PPP1R3F: variants seen among roughly 807,000 people sequenced by gnomAD.
The protein encoded by PPP1R3F is protein phosphatase 1 regulatory subunit 3F.
A neutral mutation model predicts 24.2 loss-of-function variants in PPP1R3F; 29 were observed. The observed-to-expected ratio is 1.20, with a 90% CI of 0.89 to 1.63. The LOEUF is 1.63. Ranked by LOEUF, PPP1R3F falls within the 40% of genes most tolerant of loss-of-function variation. PPP1R3F has a pLI of 0.00. For synonymous variants in PPP1R3F, 363 were observed against 340.1 expected (o/e 1.07, Z -0.74); for missense variants, 823 against 729.3 (o/e 1.13, Z -1.48).
downstream of PPP1R3F, among the ~76,000 whole-genome samples, chrX:49,290,001 G>A (rs782243577): frequency 9.0e-6 from 1 of 111,252 alleles, no homozygotes; most frequent in East Asian, 2.8e-4. Flanking sequence ...CCCAGGAGGT[G>A]GAGGTTGCAG....
chrX:49,273,973 T>G (rs892993676), intron 1 of PPP1R3F: 10 of 112,467 alleles, frequency 8.9e-5, no homozygotes, highest in African/African-American at 3.2e-4. Flanking sequence ...CAGTGCTAGG[T>G]TCCAGCAGGG....
intron 3 of PPP1R3F, among the ~76,000 whole-genome samples, chrX:49,293,980 T>G (rs1354068429): frequency 1.8e-5 from 2 of 111,823 alleles, no homozygotes; most frequent in African/African-American, 6.5e-5. Flanking sequence ...GGTGAAGGTA[T>G]GAGACCCTGT....
chrX:49,276,187 G>A (rs2066211833), intron 1 of PPP1R3F, among the ~76,000 whole-genome samples: 1 of 112,768 alleles, frequency 8.9e-6, no homozygotes, highest in Admixed American at 9.3e-5. Flanking sequence ...ACCAGGCTGG[G>A]TGATGCATTT....
rs782300838 is a variant in PPP1R3F, at chrX:49,270,684, T to C, written c.815T>C (p.Phe272Ser). Residue 272 changes from phenylalanine to serine, a missense_variant, in exon 1 of 4, where the codon TTC (phenylalanine) becomes TCC (serine). Transcript: ENST00000055335. Reference protein sequence around the residue: ...VVRYETPEGTFWANNHGRNYT... With the variant: ...VVRYETPEGTSWANNHGRNYT... Reference sequence around the variant, plus strand: ...CGCTATGAGACCCCTGAGGGCACTTTCTGGGCCAACAACCACGGCCGCAAC... The same window carrying C: ...CGCTATGAGACCCCTGAGGGCACTTCCTGGGCCAACAACCACGGCCGCAAC... The C allele has an allele frequency of 1.6e-5, 19 of 1,208,340 alleles. No individual in the cohort carries two copies. The highest frequency in any genetic ancestry group is 1.1e-6 in the Non-Finnish European group (1 of 894,313).
chrX:49,272,890 C>T (rs2066189225), intron 1 of PPP1R3F, among the ~76,000 whole-genome samples: 1 of 109,624 alleles, frequency 9.1e-6, no homozygotes, highest in East Asian at 2.8e-4. Flanking sequence ...TAGTGAGTGA[C>T]AGGGCCAGGG....
intron 1 of PPP1R3F, among the ~76,000 whole-genome samples, chrX:49,272,430 G>A: frequency 8.9e-6 from 1 of 112,704 alleles, no homozygotes; most frequent in Non-Finnish European, 1.9e-5. Context: ...ACCCTCACCT[G>A]TAAAACAGAA....
chrX:49,295,226 A>C (rs1557122712), intron 3 of PPP1R3F, among the ~76,000 whole-genome samples: 1 of 111,170 alleles, frequency 9.0e-6, no homozygotes, highest in Non-Finnish European at 1.9e-5. Context: ...AGCTCACTGC[A>C]ACTGCCTCCT....
chrX:49,277,412 G>C (rs2066220900), intron 1 of PPP1R3F, among the ~76,000 whole-genome samples: 1 of 112,678 alleles, frequency 8.9e-6, no homozygotes, highest in African/African-American at 3.2e-5. Flanking sequence ...AGATTTTCCA[G>C]ATCTGTGTGC....
chrX:49,271,345 G>A (rs782274619), intron 1 of PPP1R3F, among the ~76,000 whole-genome samples: 1 of 111,989 alleles, frequency 8.9e-6, no homozygotes, highest in East Asian at 2.8e-4. Context: ...GAGTTTGTAG[G>A]AAAAGGAACA....
At position 49,286,952 on chromosome X, in the gene PPP1R3F, A is replaced by G. The variant is rs1557121746; in HGVS notation, c.2262A>G (p.Ala754=). The part of the protein sequence containing the change: ...TLAVPAECVC[A]LPPQLRGPLT... ...CAGTCCCTGCAGAATGTGTGTGTGC[A>G]CTGCCTCCTCAGCTCCGGGGGCCCT... Residue 754 remains alanine (A), a synonymous_variant, in exon 4 of 4, where the codon GCA becomes GCG. Coordinates refer to ENST00000055335, the MANE Select transcript of PPP1R3F (RefSeq NM_033215.5). 2.5e-6 allele frequency: 3 copies of G among 1,208,986 alleles called. No homozygotes were observed. The East Asian group carries it at 8.9e-5, about 36-fold the overall frequency.
chrX:49,292,022 G>A (rs1295349418), downstream of PPP1R3F, among the ~76,000 whole-genome samples: 9 of 109,630 alleles, frequency 8.2e-5, 1 homozygote, highest in South Asian at 3.5e-3. Flanking sequence ...CTCCAACAGC[G>A]CAGCCATGGA....
chrX:49,270,053 G>GCGGGCAAGATGGCGGCGGCGGC lies in PPP1R3F; in HGVS notation c.207_228dup (p.Gly77ArgfsTer21), dbSNP rs1236602190. 7.9e-5 allele frequency: 78 copies of GCGGGCAAGATGGCGGCGGCGGC among 982,139 alleles called. No homozygotes were observed. Among genetic ancestry groups the GCGGGCAAGATGGCGGCGGCGGC allele is most frequent in the East Asian group, 1.7e-4 (4 of 23,941 alleles). 80.9% of individuals were successfully genotyped at this position (982,139 alleles called of 1,213,427 possible). Reference sequence around the variant, plus strand: ...CTACCGGCCGTGGGGCGGGCCCGGGGCGGGCAAGATGGCGGCGGCGGCCGG... The same window carrying GCGGGCAAGATGGCGGCGGCGGC: ...CTACCGGCCGTGGGGCGGGCCCGGGGCGGGCAAGATGGCGGCGGCGGCCGGGCAAGATGGCGGCGGCGGCCGG... On this transcript the variant is annotated frameshift_variant, in exon 1 of 4. Coordinates refer to ENST00000055335, the MANE Select transcript of PPP1R3F (RefSeq NM_033215.5). LOFTEE classifies it high-confidence loss of function.
intron 1 of PPP1R3F, among the ~76,000 whole-genome samples, chrX:49,272,406 C>T (rs939876071): frequency 4.0e-4 from 45 of 112,742 alleles, no homozygotes; most frequent in African/African-American, 1.4e-3. Context: ...CATTTAACTA[C>T]ACCATGCCTC....
chrX:49,287,141 CA>C lies in PPP1R3F; in HGVS notation c.*52del. The C allele has an allele frequency of 8.8e-7, 1 of 1,139,929 alleles. No homozygotes were observed. The highest frequency in any genetic ancestry group is 1.2e-6 in the Non-Finnish European group (1 of 842,928). 93.9% of individuals were successfully genotyped at this position (1,139,929 alleles called of 1,213,427 possible). On this transcript the variant is annotated 3_prime_UTR_variant, in exon 4 of 4. Coordinates refer to ENST00000055335, the MANE Select transcript of PPP1R3F (RefSeq NM_033215.5). ...CTTAAGATGGGATACATGGCCTGTG[CA>C]GTGAGGGGACCTGGGTCCTTTGCTT...
At chrX:49,277,702 T>C (rs782678330) in intron 1 of PPP1R3F, among the ~76,000 whole-genome samples, 5 of 112,440 alleles carry the variant, frequency 4.4e-5, no homozygotes, top group African/African-American at 1.3e-4. Flanking sequence ...AAAGATAACT[T>C]GTTTCTTTTT....
At chrX:49,292,659 C>T (rs1038653153), downstream of PPP1R3F, among the ~76,000 whole-genome samples, 16 of 112,819 alleles carry the variant, frequency 1.4e-4, no homozygotes, top group East Asian at 1.1e-3. Context: ...GGGGGAGACA[C>T]GGGCCGGGAG....
Position 49,272,001 on chromosome X carries a change from A to C in PPP1R3F, c.1004+1128A>C, listed in dbSNP as rs1247822463. Among the ~76,000 whole-genome samples the C allele has an allele frequency of 4.4e-5, 5 of 112,577 alleles. No homozygotes were observed. The East Asian group carries it at 1.1e-3, about 25-fold the overall frequency. On this transcript the variant is annotated intron_variant, in intron 1 of 3. Coordinates refer to ENST00000055335, the MANE Select transcript of PPP1R3F (RefSeq NM_033215.5). ...CACCTAAGTCTGGCCCAGGATCACTAGATTCTCCCTAAAATGTATACATTT... is the reference window on the plus strand; with the variant it reads ...CACCTAAGTCTGGCCCAGGATCACTCGATTCTCCCTAAAATGTATACATTT...
chrX:49,282,443 C>CTGTGTGTGTG (rs545507997), intron 3 of PPP1R3F, among the ~76,000 whole-genome samples: 16 of 73,932 alleles, frequency 2.2e-4, no homozygotes, highest in African/African-American at 7.6e-4. Flanking sequence ...GTGAGAGACT[C>CTGTGTGTGTG]TGTGTGTGTG....
At chrX:49,293,852 A>T (rs2066315698) in intron 3 of PPP1R3F, among the ~76,000 whole-genome samples, 1 of 111,330 alleles carries the variant, frequency 9.0e-6, no homozygotes, top group Non-Finnish European at 1.9e-5. Flanking sequence ...AAAATTAGCT[A>T]GGCATGGTGG....
Sources: allele counts gnomAD v4.1 joint callset (sites outside exome capture counted in the v4.1 genomes callset), GRCh38; gene constraint gnomAD v4.1.1; transcripts MANE v1.5; gene names NCBI Gene and HGNC (gene_info 2026-07-23, HGNC 2026-07-21).